SOX6: variants seen among roughly 807,000 people sequenced by gnomAD.
SOX6 encodes SRY-box transcription factor 6, also known as transcription factor SOX-6.
SOX6 carries 11 observed loss-of-function variants against 97.8 expected under a neutral mutation model. That is an observed-to-expected ratio of 0.11 (90% CI 0.07 to 0.19). The LOEUF (loss-of-function observed/expected upper bound fraction) is 0.19. Ranked by LOEUF, SOX6 falls within the 10% of genes least tolerant of loss-of-function variation. The pLI, the probability that SOX6 is intolerant of heterozygous loss-of-function variation, is 1.00. For missense variants in SOX6, 810 were observed against 1,039.5 expected (o/e 0.78, Z 3.04); for synonymous variants, 360 against 371.4 (o/e 0.97, Z 0.35).
chr11:16,283,735 AC>A (rs1565068936), intron 3 of SOX6: 1 of 251,382 alleles, frequency 4.0e-6, no homozygotes, highest in Non-Finnish European at 7.9e-6. Context: ...CAAACCTATA[AC>A]AAAGAATGAT....
intron 3 of SOX6, among the ~76,000 whole-genome samples, chr11:16,630,303 T>C (rs1182692047): frequency 6.6e-6 from 1 of 152,164 alleles, no homozygotes; most frequent in African/African-American, 2.4e-5. Flanking sequence ...GTTTTCATTT[T>C]TTTCAAATAA....
chr11:16,309,463 C>G (rs1008079817), intron 3 of SOX6, among the ~76,000 whole-genome samples: 3 of 152,040 alleles, frequency 2.0e-5, no homozygotes, highest in African/African-American at 7.2e-5. Context: ...CAAGGCTAAA[C>G]AATCATTATT....
rs186219823 is a variant in SOX6, at chr11:16,406,025, T to C, written c.-4-64773A>G. On this transcript the variant is annotated intron_variant, in intron 1 of 15. Coordinates refer to the SOX6 transcript ENST00000396356. ...CTACTTGTAGGTATTTTCTGCTCTATCTTTCTTTATGGACTAAATCGTTCT... is the reference window on the plus strand; with the variant it reads ...CTACTTGTAGGTATTTTCTGCTCTACCTTTCTTTATGGACTAAATCGTTCT... Among the ~76,000 whole-genome samples, 266 of 152,160 alleles carry C rather than the reference T, an allele frequency of 1.7e-3. 1 individual carries two copies. The highest frequency in any genetic ancestry group is 5.9e-3 in the African/African-American group (246 of 41,538).
chr11:16,130,534 G>C (rs1476429894), intron 6 of SOX6, among the ~76,000 whole-genome samples: 3 of 151,774 alleles, frequency 2.0e-5, no homozygotes, highest in Admixed American at 2.0e-4. Context: ...AACATTCATG[G>C]AATGAAAGAC....
chr11:16,510,176 G>T (rs1283290599), intron 4 of SOX6, among the ~76,000 whole-genome samples: 3 of 151,988 alleles, frequency 2.0e-5, no homozygotes, highest in Non-Finnish European at 4.4e-5. Context: ...TCACAAATTG[G>T]TACATTGCAT....
At chr11:16,290,402 A>C (rs752133248) in intron 3 of SOX6, among the ~76,000 whole-genome samples, 17 of 152,206 alleles carry the variant, frequency 1.1e-4, no homozygotes, top group Admixed American at 3.3e-4. Flanking sequence ...ACTTTTAAAA[A>C]TCTGCTCATC....
upstream of SOX6, among the ~76,000 whole-genome samples, chr11:16,357,448 G>A (rs1348443825): frequency 2.0e-5 from 3 of 152,032 alleles, no homozygotes; most frequent in African/African-American, 4.8e-5. Context: ...GCGTACGGTC[G>A]GCAATTGTTA....
intron 1 of SOX6, among the ~76,000 whole-genome samples, chr11:16,423,340 T>C (rs1859057660): frequency 6.6e-6 from 1 of 152,076 alleles, no homozygotes; most frequent in Admixed American, 6.6e-5. Context: ...GACAACCCTA[T>C]AAAAAAATTG....
In SOX6 at chr11:16,208,349, T is replaced by C. The variant is rs148095006; in HGVS notation, c.536-21394A>G. On this transcript the variant is annotated intron_variant, in intron 4 of 15. Coordinates refer to ENST00000683767, the MANE Select transcript of SOX6 (RefSeq NM_001367873.1). Reference sequence around the variant, plus strand: ...TAAATTGTATGCATAAAACTACTTTTCTAATAATACTATAATCTTTTCTGT... The same window carrying C: ...TAAATTGTATGCATAAAACTACTTTCCTAATAATACTATAATCTTTTCTGT... Among the ~76,000 whole-genome samples the C allele has an allele frequency of 1.8e-4, 27 of 152,316 alleles. No individual in the cohort carries two copies. In the East Asian group the frequency reaches 5.0e-3, roughly 28 times the overall value.
intron 3 of SOX6, among the ~76,000 whole-genome samples, chr11:16,672,538 T>G (rs565535954): frequency 6.6e-6 from 1 of 152,278 alleles, no homozygotes; most frequent in South Asian, 2.1e-4. Flanking sequence ...TGGATGGCAG[T>G]AGGCAAAAAG....
At chr11:16,111,553 C>T (rs1301619389) in intron 7 of SOX6, among the ~76,000 whole-genome samples, 4 of 152,230 alleles carry the variant, frequency 2.6e-5, no homozygotes, top group African/African-American at 9.6e-5. Context: ...TTGTAGTCCC[C>T]AGGGAAAGTA....
intron 2 of SOX6, among the ~76,000 whole-genome samples, chr11:16,715,565 T>C (rs1425888044): frequency 1.3e-5 from 2 of 151,848 alleles, no homozygotes; most frequent in African/African-American, 2.4e-5. Flanking sequence ...AACTTAAACT[T>C]TTAATGAGAA....
chr11:16,290,410 A>C (rs1282178452), intron 3 of SOX6, among the ~76,000 whole-genome samples: 1 of 152,054 alleles, frequency 6.6e-6, no homozygotes, highest in East Asian at 1.9e-4. Flanking sequence ...AAATCTGCTC[A>C]TCTTATGACT....
At position 16,723,655 on chromosome 11, in the gene SOX6, C is replaced by T. The variant is rs534338127; in HGVS notation, n.354-8750G>A. Reference sequence around the variant, plus strand: ...TGAAACCCCATCTCTACTAAAAATACAAAAATTAGCCCGGCCTGGTGGTGG... The same window carrying T: ...TGAAACCCCATCTCTACTAAAAATATAAAAATTAGCCCGGCCTGGTGGTGG... On this transcript the variant is annotated intron_variant and non_coding_transcript_variant, in intron 2 of 5. Coordinates refer to the SOX6 transcript ENST00000524520. 7.9e-5 allele frequency among the ~76,000 whole-genome samples: 12 copies of T among 152,038 alleles called. No homozygotes were observed. In the East Asian group the frequency reaches 1.9e-3, roughly 25 times the overall value.
At chr11:16,127,672 G>C (rs1383021773) in intron 6 of SOX6, among the ~76,000 whole-genome samples, 1 of 151,978 alleles carries the variant, frequency 6.6e-6, no homozygotes, top group Non-Finnish European at 1.5e-5. Flanking sequence ...CATAAAACTG[G>C]AAAGTGAGAA....
chr11:16,536,261 T>C (rs1861305953), intron 4 of SOX6, among the ~76,000 whole-genome samples: 1 of 152,198 alleles, frequency 6.6e-6, no homozygotes, highest in African/African-American at 2.4e-5. Context: ...ATTTCCAAAA[T>C]CTGCTGCTGG....
intron 1 of SOX6, among the ~76,000 whole-genome samples, chr11:16,475,660 A>G (rs1295704184): frequency 6.6e-6 from 1 of 152,214 alleles, no homozygotes; most frequent in Non-Finnish European, 1.5e-5. Flanking sequence ...AACAGACATA[A>G]TAATAATGAG....
intron 4 of SOX6, among the ~76,000 whole-genome samples, chr11:16,221,353 G>T (rs1285109053): frequency 6.6e-6 from 1 of 151,996 alleles, no homozygotes; most frequent in African/African-American, 2.4e-5. Context: ...TGTCCTTGAT[G>T]AAACCAATAA....
chr11:16,265,829 A>G (rs1160938881), intron 3 of SOX6, among the ~76,000 whole-genome samples: 1 of 151,852 alleles, frequency 6.6e-6, no homozygotes, highest in East Asian at 1.9e-4. Context: ...AATAAATCAA[A>G]TGTCCAATTA....
Sources: gnomAD v4.1 joint callset for allele counts (sites outside exome capture counted in the v4.1 genomes callset) on GRCh38, gnomAD v4.1.1 for gene constraint, MANE v1.5 for transcripts, NCBI Gene and HGNC (gene_info 2026-07-23, HGNC 2026-07-21) for gene names.